Variants in MYO9A observed in about 807,000 individuals in gnomAD.
MYO9A encodes the protein unconventional myosin-IXa.
MYO9A carries 103 observed loss-of-function variants against 293.3 expected under a neutral mutation model. That is an observed-to-expected ratio of 0.35 (90% CI 0.30 to 0.41). The LOEUF (loss-of-function observed/expected upper bound fraction) is 0.41, where lower values mean the gene tolerates loss of function less well. MYO9A is among the 10% of genes least tolerant of loss of function. The pLI is 1.00. For synonymous variants in MYO9A, 1,001 were observed against 1,035.7 expected (o/e 0.97, Z 0.64); for missense variants, 2,685 against 3,033.0 (o/e 0.89, Z 2.69).
chr15:71,934,567 A>C (rs780361743), intron 17 of MYO9A, among the ~76,000 whole-genome samples: 5 of 151,676 alleles, frequency 3.3e-5, no homozygotes, highest in Non-Finnish European at 7.4e-5. Context: ...AATATCTAAA[A>C]CATGTTAATG....
intron 1 of MYO9A, among the ~76,000 whole-genome samples, chr15:72,096,102 A>G (rs2150725905): frequency 6.6e-6 from 1 of 150,498 alleles, no homozygotes; most frequent in Non-Finnish European, 1.5e-5. Flanking sequence ...CAGAGGTTGC[A>G]GTGAGCCAAG....
intron 1 of MYO9A, among the ~76,000 whole-genome samples, chr15:72,048,394 C>G (rs2078455132): frequency 1.4e-5 from 2 of 138,660 alleles, no homozygotes; most frequent in East Asian, 4.8e-4. Flanking sequence ...ATGAGACTGT[C>G]TCAAAAAAAA....
chr15:72,006,659 G>A (rs1177545241), intron 8 of MYO9A, among the ~76,000 whole-genome samples: 2 of 152,100 alleles, frequency 1.3e-5, no homozygotes, highest in African/African-American at 4.8e-5. Context: ...CATGAAGAGT[G>A]GAACTTAATG....
chr15:71,927,095 A>G (rs574169806), intron 18 of MYO9A, among the ~76,000 whole-genome samples: 1 of 152,092 alleles, frequency 6.6e-6, no homozygotes, highest in Non-Finnish European at 1.5e-5. Flanking sequence ...CACAAATCCA[A>G]TGATCACAGG....
At chr15:71,989,794 GGTGGGAGGACT>G (rs1440703459) in intron 11 of MYO9A, among the ~76,000 whole-genome samples, 75 of 152,192 alleles carry the variant, frequency 4.9e-4, no homozygotes, top group African/African-American at 1.8e-3. Context: ...GGGAGGTCAA[GGTGGGAGGACT>G]GCTTGAGCCT....
chr15:71,892,025 T>C (rs1011016949), intron 26 of MYO9A: 6 of 152,230 alleles, frequency 3.9e-5, no homozygotes, highest in African/African-American at 1.4e-4. Flanking sequence ...AAATGTTATT[T>C]CACTCTACTT....
intron 15 of MYO9A, among the ~76,000 whole-genome samples, chr15:71,940,466 T>G (rs2058745548): frequency 6.6e-6 from 1 of 151,716 alleles, no homozygotes; most frequent in Non-Finnish European, 1.5e-5. Flanking sequence ...CATTCTAGCC[T>G]GGGTGACAGA....
At chr15:72,005,195 G>T (rs1022292706) in intron 8 of MYO9A, among the ~76,000 whole-genome samples, 2 of 152,102 alleles carry the variant, frequency 1.3e-5, no homozygotes, top group Non-Finnish European at 2.9e-5. Flanking sequence ...TACACAAGAA[G>T]AAATTTAAGA....
intron 1 of MYO9A, among the ~76,000 whole-genome samples, chr15:72,063,905 C>T (rs1322658618): frequency 6.6e-6 from 1 of 152,140 alleles, no homozygotes; most frequent in Non-Finnish European, 1.5e-5. Flanking sequence ...ATCAACCTAA[C>T]TGTCCATCAA....
At position 72,032,574 on chromosome 15, in the gene MYO9A, T is replaced by C; in HGVS notation, c.855A>G (p.Ala285=). 1 of 1,595,122 alleles carries C rather than the reference T, an allele frequency of 6.3e-7. No individual in the cohort carries two copies. Among genetic ancestry groups the C allele is most frequent in the Non-Finnish European group, 8.5e-7 (1 of 1,173,938 alleles). Residue 285 remains alanine, a synonymous_variant, in exon 3 of 42, where the codon GCA becomes GCG. Transcript: ENST00000356056. ...TTGAATTGTTATTATGAGCTGTCTT[T>C]GCATTTCCAAAGGCCTGTCAAAATA... The part of the protein sequence containing the change: ...AGPVLEAFGN[A]KTAHNNNSSR...
At chr15:71,894,129 G>T (rs1281156611) in intron 25 of MYO9A, among the ~76,000 whole-genome samples, 1 of 152,010 alleles carries the variant, frequency 6.6e-6, no homozygotes, top group African/African-American at 2.4e-5. Context: ...TCTTACAAGG[G>T]GCCTTTCCAT....
Position 71,987,516 on chromosome 15 carries a change from A to T in MYO9A, c.1722+3587T>A, listed in dbSNP as rs553049345. On this transcript the variant is annotated intron_variant, in intron 11 of 41. Transcript: ENST00000356056. ...GAGCTTCAGCTCACTATTTGAAATT[A>T]TATGCCAGAATCAACCCTGGAAAAT... Among the ~76,000 whole-genome samples, 141 of 152,330 alleles carry T rather than the reference A, an allele frequency of 9.3e-4. 1 individual carries two copies. The highest frequency in any genetic ancestry group is 5.4e-3 in the South Asian group (26 of 4,830).
chr15:71,935,994 T>G (rs542468063), intron 16 of MYO9A, among the ~76,000 whole-genome samples: 38 of 151,494 alleles, frequency 2.5e-4, no homozygotes, highest in African/African-American at 8.2e-4. Context: ...GATATAGCAA[T>G]GAACAAAACA....
At chr15:71,864,953 A>C (rs1252502087) in intron 32 of MYO9A, among the ~76,000 whole-genome samples, 3 of 152,204 alleles carry the variant, frequency 2.0e-5, no homozygotes, top group Non-Finnish European at 1.5e-5. Flanking sequence ...ATTTGTGGTA[A>C]GTAAATTTAC....
chr15:71,921,434 A>C (rs951393494), intron 18 of MYO9A, among the ~76,000 whole-genome samples: 11 of 152,204 alleles, frequency 7.2e-5, no homozygotes, highest in Admixed American at 6.5e-4. Flanking sequence ...ATTTTGACTT[A>C]TCCTGCAAAA....
rs189817648 is a variant in MYO9A, at chr15:71,965,788, G to A, written c.1986+2196C>T. Among the ~76,000 whole-genome samples, 30 of 152,188 alleles carry A rather than the reference G, an allele frequency of 2.0e-4. 1 individual carries two copies. The highest frequency in any genetic ancestry group is 9.8e-4 in the Admixed American group (15 of 15,286). ...AACCCCAAAAACATTTAGTGATTAC[G>A]TCTTCCTGTTGAACTGGCCCCTTTT... On this transcript the variant is annotated intron_variant, in intron 13 of 41. Transcript: ENST00000356056.
At chr15:71,948,916 T>C (rs2058985882) in intron 15 of MYO9A, among the ~76,000 whole-genome samples, 1 of 137,226 alleles carries the variant, frequency 7.3e-6, no homozygotes, top group Non-Finnish European at 1.6e-5. Context: ...GGACTCAAAC[T>C]GCAAATACAG....
intron 5 of MYO9A, among the ~76,000 whole-genome samples, chr15:72,019,421 TCTAATA>T (rs2149170965): frequency 6.6e-6 from 1 of 152,312 alleles, no homozygotes; most frequent in African/African-American, 2.4e-5. Flanking sequence ...TCCAGACTTC[TCTAATA>T]CTAACAACTA....
intron 8 of MYO9A, among the ~76,000 whole-genome samples, chr15:72,007,548 T>C (rs1025337008): frequency 6.6e-6 from 1 of 152,122 alleles, no homozygotes; most frequent in African/African-American, 2.4e-5. Context: ...AGTGTGGAAA[T>C]ATTCATCCTA....
Sources: allele counts gnomAD v4.1 joint callset (sites outside exome capture counted in the v4.1 genomes callset), GRCh38; gene constraint gnomAD v4.1.1; transcripts MANE v1.5; gene names NCBI Gene and HGNC (gene_info 2026-07-23, HGNC 2026-07-21).